Variants in LITAF observed in about 807,000 individuals in gnomAD.
LITAF encodes lipopolysaccharide-induced tumor necrosis factor-alpha factor.
Under a neutral mutation model 14.5 loss-of-function variants are expected in LITAF, and 9 were observed. The ratio of observed to expected loss-of-function variants is 0.62; its 90% CI spans 0.37 to 1.08. The LOEUF (loss-of-function observed/expected upper bound fraction) is 1.08. Ranked by LOEUF, LITAF falls within the 50% of genes least tolerant of loss-of-function variation. The pLI, the probability that LITAF is intolerant of heterozygous loss-of-function variation, is 0.01. For missense variants in LITAF, 206 were observed against 213.4 expected, an observed-to-expected ratio of 0.97 and a Z score of 0.22; for synonymous variants, 98 against 88.2, an observed-to-expected ratio of 1.11 and a Z score of -0.62.
intron 1 of LITAF, among the ~76,000 whole-genome samples, chr16:11,564,079 T>C (rs1316770768): frequency 1.3e-5 from 2 of 152,124 alleles, no homozygotes; most frequent in Non-Finnish European, 2.9e-5. Context: ...GCTAATTTTT[T>C]TGTATTTTTA....
chr16:11,577,711 C>T (rs945128226), intron 1 of LITAF, among the ~76,000 whole-genome samples: 2 of 151,714 alleles, frequency 1.3e-5, no homozygotes, highest in Non-Finnish European at 2.9e-5. Flanking sequence ...AGGGGATGCA[C>T]TTTTATTTTA....
chr16:11,628,572 T>C (rs745605969), intron 3 of LITAF, among the ~76,000 whole-genome samples: 81 of 152,168 alleles, frequency 5.3e-4, no homozygotes, highest in Non-Finnish European at 9.3e-4. Flanking sequence ...GGCACGATCA[T>C]AGCTCACTTC....
intron 1 of LITAF, among the ~76,000 whole-genome samples, chr16:11,597,484 G>A (rs960616749): frequency 3.3e-5 from 5 of 152,232 alleles, no homozygotes; most frequent in African/African-American, 9.6e-5. Flanking sequence ...TATCATCTCC[G>A]CTTTACAGAC....
intron 3 of LITAF, among the ~76,000 whole-genome samples, chr16:11,607,072 A>G (rs72781038): frequency 0.14 from 21,301 of 152,236 alleles, 1,880 homozygotes; most frequent in Non-Finnish European, 0.21. Context: ...GTAAATCCAC[A>G]TCCTCACCCC....
upstream of LITAF, among the ~76,000 whole-genome samples, chr16:11,602,261 G>C (rs534714684): frequency 1.3e-3 from 193 of 152,286 alleles, 3 homozygotes; most frequent in South Asian, 0.016. Context: ...GGGAGGCTGA[G>C]TCAAGAATTG....
At chr16:11,638,105 T>TAGATAG (rs1567271173), upstream of LITAF, among the ~76,000 whole-genome samples, 5 of 71,898 alleles carry the variant, frequency 7.0e-5, no homozygotes, top group African/African-American at 5.3e-4. Context: ...TCTATATATA[T>TAGATAG]ATATCTATCT....
At position 11,632,788 on chromosome 16, in the gene LITAF, G is replaced by A. The variant is rs571700124; in HGVS notation, c.85+745C>T. On this transcript the variant is annotated intron_variant, in intron 3 of 3. Coordinates refer to the LITAF transcript ENST00000574848. This position sits in a 1 kb window ranked among gnomAD's most constrained non-coding sequence, Gnocchi z 4.8. The stretch of plus-strand genomic sequence containing the variant: ...TGACTATGTGGTGCCCTCAGCCCCC[G>A]CACGGGTCAGAGTTTTCCGTGTGCC... Among the ~76,000 whole-genome samples, 3 of 152,296 alleles carry A rather than the reference G, an allele frequency of 2.0e-5. No homozygotes were observed. Among genetic ancestry groups the A allele is most frequent in the African/African-American group, 4.8e-5 (2 of 41,566 alleles).
upstream of LITAF, among the ~76,000 whole-genome samples, chr16:11,589,540 T>G (rs1336789534): frequency 6.6e-6 from 1 of 152,098 alleles, no homozygotes; most frequent in African/African-American, 2.4e-5. Context: ...CCCTAAAGAA[T>G]GTACTAAATA....
intron 1 of LITAF, among the ~76,000 whole-genome samples, chr16:11,583,457 G>A (rs568690724): frequency 6.6e-6 from 1 of 152,264 alleles, no homozygotes; most frequent in Non-Finnish European, 1.5e-5. Flanking sequence ...TAATAAGACT[G>A]AGACTGCATT....
At chr16:11,639,302 G>A (rs115248755), upstream of LITAF, among the ~76,000 whole-genome samples, 538 of 151,606 alleles carry the variant, frequency 3.5e-3, 4 homozygotes, top group African/African-American at 0.012. Context: ...GTTAGAGGGT[G>A]GGAGGGATAG....
intron 1 of LITAF, among the ~76,000 whole-genome samples, chr16:11,571,170 C>T (rs1351018000): frequency 3.9e-5 from 6 of 152,112 alleles, no homozygotes; most frequent in African/African-American, 1.2e-4. Flanking sequence ...CAGGTTCAAG[C>T]GATTCTCCTG....
At chr16:11,555,029 G>A (rs2064246804) in intron 2 of LITAF, among the ~76,000 whole-genome samples, 1 of 151,986 alleles carries the variant, frequency 6.6e-6, no homozygotes, top group Non-Finnish European at 1.5e-5. Flanking sequence ...TAGCACTTAC[G>A]TGTAATTTTT....
At chr16:11,598,528 G>C (rs2064906912), upstream of LITAF, 1 of 152,160 alleles carries the variant, frequency 6.6e-6, no homozygotes, top group African/African-American at 2.4e-5. Flanking sequence ...CGCAGGTAGG[G>C]AGTCGTGCCT....
At chr16:11,624,039 C>G (rs1478139895) in intron 3 of LITAF, among the ~76,000 whole-genome samples, 1 of 152,090 alleles carries the variant, frequency 6.6e-6, no homozygotes, top group Non-Finnish European at 1.5e-5. Flanking sequence ...AATCCCAGTA[C>G]TTTGGGAGGC....
At chr16:11,574,881 C>G (rs558325125) in intron 1 of LITAF, among the ~76,000 whole-genome samples, 1 of 58,900 alleles carries the variant, frequency 1.7e-5, no homozygotes, top group Non-Finnish European at 3.3e-5. Flanking sequence ...TGGCTCACTG[C>G]AACCTCTGCC....
At chr16:11,583,464 C>A (rs554089426) in intron 1 of LITAF, among the ~76,000 whole-genome samples, 26 of 152,214 alleles carry the variant, frequency 1.7e-4, no homozygotes, top group African/African-American at 6.0e-4. Flanking sequence ...ACTGAGACTG[C>A]ATTAGGATAC....
upstream of LITAF, among the ~76,000 whole-genome samples, chr16:11,600,832 A>G (rs967083027): frequency 5.9e-4 from 89 of 152,032 alleles, no homozygotes; most frequent in African/African-American, 2.1e-3. This position sits in a 1 kb window ranked among gnomAD's most constrained non-coding sequence, Gnocchi z 4.1. Flanking sequence ...ACTCAATAAA[A>G]TTCTTCCCCA....
chr16:11,624,064 C>T (rs1030433529), intron 3 of LITAF, among the ~76,000 whole-genome samples: 5 of 151,934 alleles, frequency 3.3e-5, no homozygotes, highest in Non-Finnish European at 7.4e-5. Flanking sequence ...GCAGGAGGAT[C>T]ACTTAAGCTC....
At chr16:11,621,261 T>C (rs1597374134) in intron 3 of LITAF, among the ~76,000 whole-genome samples, 1 of 152,136 alleles carries the variant, frequency 6.6e-6, no homozygotes, top group East Asian at 1.9e-4. Context: ...ACAGGATTTC[T>C]CCATGTTGGT....
Sources: allele counts gnomAD v4.1 joint callset (sites outside exome capture counted in the v4.1 genomes callset), GRCh38; gene constraint gnomAD v4.1.1; non-coding constraint Gnocchi (gnomAD v3.1); transcripts MANE v1.5; gene names NCBI Gene and HGNC (gene_info 2026-07-23, HGNC 2026-07-21).